The following HEATR4 variants were observed in gnomAD, a reference collection of about 807,000 sequenced individuals.
HEATR4 encodes HEAT repeat containing 4, also known as HEAT repeat-containing protein 4.
Under a neutral mutation model 108.8 loss-of-function variants are expected in HEATR4, and 95 were observed. That is an observed-to-expected ratio of 0.87 (90% confidence interval 0.74 to 1.04). HEATR4 has a LOEUF of 1.04. Among genes scored for constraint, HEATR4 ranks in the 50% least tolerant of loss-of-function variants. HEATR4 has a pLI of 0.00. For missense variants in HEATR4, 1,152 were observed against 1,253.8 expected (o/e 0.92, Z 1.23); for synonymous variants, 443 against 459.4 (o/e 0.96, Z 0.46).
chr14:73,590,408 T>G, the HEATR4 span, among the ~76,000 whole-genome samples: 4 of 152,380 alleles, frequency 2.6e-5, no homozygotes, highest in South Asian at 2.1e-4. Flanking sequence ...GGAGTCCAGC[T>G]GGCTTCACCC....
intron 10 of HEATR4, 90 bp from the exon 11 acceptor site, chr14:73,503,103 C>A: frequency 2.0e-6 from 2 of 983,434 alleles, no homozygotes; most frequent in South Asian, 2.7e-5. Context: ...TTTTTTTACT[C>A]ATCACTGTAC....
At chr14:73,616,718 T>A in the HEATR4 span, 1 of 273,546 alleles carries the variant, frequency 3.7e-6, no homozygotes, top group Non-Finnish European at 6.7e-6. Context: ...TTAATTTCAA[T>A]ACCTTTTGGT....
chr14:73,589,063 AATTG>A, the HEATR4 span, among the ~76,000 whole-genome samples: 1 of 152,124 alleles, frequency 6.6e-6, no homozygotes, highest in Non-Finnish European at 1.5e-5. Context: ...CATTTGTTAC[AATTG>A]ATTAACCTTC....
At chr14:73,600,871 G>C in the HEATR4 span, among the ~76,000 whole-genome samples, 1 of 152,104 alleles carries the variant, frequency 6.6e-6, no homozygotes, top group Non-Finnish European at 1.5e-5. Flanking sequence ...AGGCGTGCTG[G>C]CTCACGCCTG....
At chr14:73,508,509 G>A (rs895128426) in intron 8 of HEATR4, among the ~76,000 whole-genome samples, 15 of 152,088 alleles carry the variant, frequency 9.9e-5, no homozygotes, top group Admixed American at 9.8e-4. Flanking sequence ...CACATTTTGG[G>A]AGGCCAAGGT....
At chr14:73,569,604 C>CTGGA in the HEATR4 span, 1 of 1,601,442 alleles carries the variant, frequency 6.2e-7, no homozygotes, top group Non-Finnish European at 8.5e-7. Context: ...TCTTGGCGAG[C>CTGGA]TGGACCTGGA....
the HEATR4 span, chr14:73,611,026 T>C: frequency 6.6e-6 from 1 of 152,214 alleles, no homozygotes; most frequent in Non-Finnish European, 1.5e-5. Context: ...CTTCTGTCAT[T>C]CTTTGCTGCC....
At chr14:73,522,247 G>A (rs755578686) in intron 3 of HEATR4, 25 bp downstream of exon 3, 1 of 1,599,596 alleles carries the variant, frequency 6.3e-7, no homozygotes, top group South Asian at 1.1e-5. Context: ...TATCAAAGGT[G>A]CACTTGAGGC....
the HEATR4 span, among the ~76,000 whole-genome samples, chr14:73,624,737 G>A: frequency 1.3e-5 from 2 of 152,148 alleles, no homozygotes; most frequent in African/African-American, 4.8e-5. Context: ...GGCTCACACA[G>A]TTTAGTAAGT....
At chr14:73,500,357 TGTGGCC>T (rs1027995363) in intron 12 of HEATR4, among the ~76,000 whole-genome samples, 187 bp downstream of exon 12, 4 of 151,990 alleles carry the variant, frequency 2.6e-5, no homozygotes, top group African/African-American at 9.7e-5. Flanking sequence ...ATTCTTCCAT[TGTGGCC>T]CAGGGAAGCC....
the HEATR4 span, chr14:73,581,330 T>G: frequency 6.6e-6 from 1 of 152,052 alleles, no homozygotes; most frequent in African/African-American, 2.4e-5. Context: ...CACCATCTTG[T>G]GTCCTACCTA....
chr14:73,483,641 T>G lies in HEATR4; in HGVS notation c.2845-4799A>C, dbSNP rs568606978. 6.6e-5 allele frequency among the ~76,000 whole-genome samples: 10 copies of G among 151,360 alleles called. No individual in the cohort carries two copies. In the East Asian group the frequency reaches 1.7e-3, roughly 26 times the overall value. The stretch of plus-strand genomic sequence containing the variant: ...TTACTTCATAAAGGAAATGTGAGCG[T>G]TTTTTTTTAAGATGTAATTTTAATT... On this transcript the variant is annotated intron_variant, in intron 17 of 17. Coordinates refer to ENST00000553558, the MANE Select transcript of HEATR4 (RefSeq NM_001220484.1).
At chr14:73,572,830 C>T in the HEATR4 span, among the ~76,000 whole-genome samples, 1 of 148,944 alleles carries the variant, frequency 6.7e-6, no homozygotes, top group Non-Finnish European at 1.5e-5. Context: ...ATTTTTAGTA[C>T]AGATGGGGTT....
chr14:73,608,870 C>T, the HEATR4 span, among the ~76,000 whole-genome samples: 1 of 152,186 alleles, frequency 6.6e-6, no homozygotes, highest in East Asian at 1.9e-4. Flanking sequence ...GAAGGGGAAG[C>T]AAACATGTCC....
chr14:73,486,332 T>C (rs1172933623), intron 17 of HEATR4, among the ~76,000 whole-genome samples: 1 of 152,202 alleles, frequency 6.6e-6, no homozygotes, highest in Non-Finnish European at 1.5e-5. Context: ...TTGCTTTCTT[T>C]TACTTTCCTT....
the HEATR4 span, among the ~76,000 whole-genome samples, chr14:73,616,512 G>A: frequency 6.6e-6 from 1 of 151,876 alleles, no homozygotes; most frequent in Admixed American, 6.6e-5. Flanking sequence ...GGCCAACATG[G>A]CAAAACCCAG....
In HEATR4 at chr14:73,491,367, C is replaced by A; in HGVS notation, c.2844+1699G>T. 3 of 1,370,288 alleles carry A rather than the reference C, an allele frequency of 2.2e-6. 1 individual carries two copies. Among genetic ancestry groups the A allele is most frequent in the South Asian group, 1.8e-5 (1 of 56,090 alleles). 84.9% of individuals were successfully genotyped at this position (1,370,288 alleles called of 1,614,324 possible). A position where few individuals can be genotyped will look rare whatever the true frequency, so the allele number is the denominator to read the frequency against. ...TCGCCCGCCGCGCGCTCCCTGCAGA[C>A]CCCGTCGGCGCGCCTGGTGCCCGCT... is the stretch of plus-strand genomic sequence containing the variant. On this transcript the variant is annotated intron_variant, in intron 17 of 17. Transcript: ENST00000553558.
At chr14:73,506,886 C>G (rs530736478) in intron 9 of HEATR4, among the ~76,000 whole-genome samples, 2 of 145,466 alleles carry the variant, frequency 1.4e-5, no homozygotes, top group South Asian at 4.4e-4. Context: ...CTGCAACCTC[C>G]GCCTCTCGGG....
rs894819845 is a variant in HEATR4 at position 73,479,024 on chromosome 14, C to T, written c.2845-182G>A. Reference sequence around the variant, plus strand: ...CGCAATCTCGGCTTACTGCAATCTCCGACTCCCGGGTTCAAGTGATTCTCT... The same window carrying T: ...CGCAATCTCGGCTTACTGCAATCTCTGACTCCCGGGTTCAAGTGATTCTCT... On this transcript the variant is annotated intron_variant, in intron 17 of 17. Transcript: ENST00000553558. 2.6e-5 allele frequency among the ~76,000 whole-genome samples: 4 copies of T among 152,074 alleles called. No individual in the cohort carries two copies. In the East Asian group the frequency reaches 5.8e-4, roughly 22 times the overall value.
Sources: gnomAD v4.1 joint callset for allele counts (sites outside exome capture counted in the v4.1 genomes callset) on GRCh38, gnomAD v4.1.1 for gene constraint, MANE v1.5 for transcripts, NCBI Gene and HGNC (gene_info 2026-07-23, HGNC 2026-07-21) for gene names.